CNBD1: variants seen among roughly 807,000 people sequenced by gnomAD.
CNBD1 encodes cyclic nucleotide binding domain containing 1.
A neutral mutation model predicts 54.4 loss-of-function variants in CNBD1; 71 were observed. The ratio of observed to expected loss-of-function variants is 1.30; its 90% CI spans 1.08 to 1.59. The LOEUF (loss-of-function observed/expected upper bound fraction) is 1.59, where lower values mean the gene tolerates loss of function less well. CNBD1 is among the 40% of genes most tolerant of loss of function. The pLI is 0.00. For missense variants in CNBD1, 659 were observed against 518.0 expected, an observed-to-expected ratio of 1.27 and a Z score of -2.64; for synonymous variants, 182 against 170.7, an observed-to-expected ratio of 1.07 and a Z score of -0.51.
At chr8:87,109,567 C>G (rs1180186613) in intron 4 of CNBD1, among the ~76,000 whole-genome samples, 1 of 134,926 alleles carries the variant, frequency 7.4e-6, no homozygotes, top group Non-Finnish European at 1.5e-5. Flanking sequence ...GAGGCAGAGT[C>G]TCACTCTGTC....
chr8:87,096,727 A>C (rs1309396866), intron 4 of CNBD1, among the ~76,000 whole-genome samples: 1 of 151,978 alleles, frequency 6.6e-6, no homozygotes, highest in Non-Finnish European at 1.5e-5. Context: ...ACCAGAAAAC[A>C]GGTTCAGGGT....
intron 10 of CNBD1, among the ~76,000 whole-genome samples, chr8:87,371,584 C>G (rs1291026863): frequency 6.6e-6 from 1 of 151,864 alleles, no homozygotes; most frequent in Non-Finnish European, 1.5e-5. Flanking sequence ...TGCAGAAATC[C>G]TCAATAAAAT....
chr8:87,342,801 G>A (rs2130920701), intron 8 of CNBD1, among the ~76,000 whole-genome samples: 1 of 152,216 alleles, frequency 6.6e-6, no homozygotes, highest in East Asian at 1.9e-4. Flanking sequence ...AAGATCACAA[G>A]GCAAGGGCAA....
In CNBD1 at chr8:87,180,407, C is replaced by T. The variant is rs188775871; in HGVS notation, c.432-25586C>T. On this transcript the variant is annotated intron_variant, in intron 4 of 10. Transcript: ENST00000518476. ...TAGTTTCACCAAAATAAGCCTAATA[C>T]GTTACTGTGTGTTGTCTTGTATTAT... 2.6e-4 allele frequency among the ~76,000 whole-genome samples: 39 copies of T among 152,110 alleles called. No individual in the cohort carries two copies. In the East Asian group the frequency reaches 6.2e-3, roughly 24 times the overall value.
chr8:87,306,805 G>A (rs1384501464), intron 8 of CNBD1, among the ~76,000 whole-genome samples: 1 of 152,028 alleles, frequency 6.6e-6, no homozygotes, highest in Non-Finnish European at 1.5e-5. Flanking sequence ...TAAATATGGT[G>A]CAGTGTATAC....
rs1039604370 is a variant in CNBD1, at chr8:87,027,254, G to A, written c.431+87500G>A. On this transcript the variant is annotated intron_variant, in intron 4 of 10. Coordinates refer to ENST00000518476, the MANE Select transcript of CNBD1 (RefSeq NM_173538.3). ...CATTTTGGGTAAAACAGCTCCCATG[G>A]CAGTTTTATTTTTATTTTTATTTAT... Among the ~76,000 whole-genome samples the A allele has an allele frequency of 8.6e-5, 13 of 151,914 alleles. No individual in the cohort carries two copies. The East Asian group carries it at 9.6e-4, about 11-fold the overall frequency.
At chr8:87,137,687 A>AT (rs973596634) in intron 4 of CNBD1, among the ~76,000 whole-genome samples, 10 of 152,040 alleles carry the variant, frequency 6.6e-5, no homozygotes, top group Admixed American at 3.9e-4. Context: ...TGATTTATTG[A>AT]TTTTTTTACT....
rs552997484 is a variant in CNBD1, at chr8:87,092,452, C to A, written c.432-113541C>A. 3.6e-4 allele frequency among the ~76,000 whole-genome samples: 44 copies of A among 123,610 alleles called. No individual in the cohort carries two copies. The East Asian group carries it at 8.7e-3, about 25-fold the overall frequency. 81.1% of individuals were successfully genotyped at this position (123,610 alleles called of 152,430 possible). On this transcript the variant is annotated intron_variant, in intron 4 of 10. Coordinates refer to ENST00000518476, the MANE Select transcript of CNBD1 (RefSeq NM_173538.3). ...ATGTATGTGTGTGTGTATATATATA[C>A]ACATATGTGTGTGTGTGTATATATA...
intron 4 of CNBD1, among the ~76,000 whole-genome samples, chr8:86,949,020 G>C (rs1057400940): frequency 6.6e-6 from 1 of 152,028 alleles, no homozygotes; most frequent in Non-Finnish European, 1.5e-5. Flanking sequence ...CCTTTCCTCA[G>C]TGTATTTCTT....
At chr8:87,090,406 G>C (rs1354881291) in intron 4 of CNBD1, among the ~76,000 whole-genome samples, 1 of 152,128 alleles carries the variant, frequency 6.6e-6, no homozygotes, top group African/African-American at 2.4e-5. Flanking sequence ...ATGATGATGA[G>C]GAAGTGATTG....
chr8:87,335,915 C>T (rs1421033138), intron 8 of CNBD1, among the ~76,000 whole-genome samples: 1 of 152,174 alleles, frequency 6.6e-6, no homozygotes, highest in Non-Finnish European at 1.5e-5. Context: ...GATGAATTCC[C>T]TCAGCATTTG....
chr8:87,197,489 A>G (rs1813747157), intron 4 of CNBD1, among the ~76,000 whole-genome samples: 1 of 152,174 alleles, frequency 6.6e-6, no homozygotes, highest in Non-Finnish European at 1.5e-5. Context: ...GAAAGCCTTA[A>G]GACCAGGGCC....
chr8:86,959,571 G>T (rs1586163259), intron 4 of CNBD1, among the ~76,000 whole-genome samples: 1 of 151,960 alleles, frequency 6.6e-6, no homozygotes, highest in African/African-American at 2.4e-5. Flanking sequence ...TTTCTCTAAA[G>T]TTCCCTTCTC....
At chr8:87,270,104 C>A (rs982955687) in intron 6 of CNBD1, among the ~76,000 whole-genome samples, 1 of 151,956 alleles carries the variant, frequency 6.6e-6, no homozygotes, top group Non-Finnish European at 1.5e-5. Flanking sequence ...ACTATCTCAA[C>A]ATACACAAAT....
chr8:87,332,511 G>C (rs6468771), intron 8 of CNBD1, among the ~76,000 whole-genome samples: 42,853 of 151,998 alleles, frequency 0.28, 6,746 homozygotes, highest in Middle Eastern at 0.41. Flanking sequence ...TTATGGTTTG[G>C]AGTTTTACAT....
intron 4 of CNBD1, among the ~76,000 whole-genome samples, chr8:87,201,946 GA>G (rs999535910): frequency 6.6e-6 from 1 of 151,864 alleles, no homozygotes; most frequent in African/African-American, 2.4e-5. Flanking sequence ...AGAGAAAGGG[GA>G]AAAAACTTAA....
chr8:87,398,536 G>A (rs925252007), intron 2 of CNBD1, among the ~76,000 whole-genome samples: 3 of 151,906 alleles, frequency 2.0e-5, no homozygotes, highest in Non-Finnish European at 4.4e-5. Context: ...TTTTCCAAAT[G>A]CTTTTCAGCA....
At chr8:86,956,806 T>C (rs1271210723) in intron 4 of CNBD1, among the ~76,000 whole-genome samples, 2 of 152,190 alleles carry the variant, frequency 1.3e-5, no homozygotes, top group Non-Finnish European at 2.9e-5. Flanking sequence ...CTTTTCCTAA[T>C]TGAATACCCT....
At chr8:86,981,285 A>G (rs1375442369) in intron 4 of CNBD1, among the ~76,000 whole-genome samples, 2 of 152,128 alleles carry the variant, frequency 1.3e-5, no homozygotes, top group African/African-American at 2.4e-5. Context: ...TAACATCACT[A>G]TATTTTTCTT....
Sources: allele counts gnomAD v4.1 joint callset (sites outside exome capture counted in the v4.1 genomes callset), GRCh38; gene constraint gnomAD v4.1.1; transcripts MANE v1.5; gene names NCBI Gene and HGNC (gene_info 2026-07-23, HGNC 2026-07-21).